Variants in DGKB observed in about 807,000 individuals in gnomAD.
The protein encoded by DGKB is 90 kDa diacylglycerol kinase.
Under a neutral mutation model 114.3 loss-of-function variants are expected in DGKB, and 67 were observed. The ratio of observed to expected loss-of-function variants is 0.59; its 90% confidence interval spans 0.48 to 0.72. The LOEUF (loss-of-function observed/expected upper bound fraction) is 0.72. DGKB is among the 30% of genes least tolerant of loss of function. The pLI is 0.00. For synonymous variants in DGKB, 398 were observed against 323.1 expected, an observed-to-expected ratio of 1.23 and a Z score of -2.49; for missense variants, 907 against 975.2, an observed-to-expected ratio of 0.93 and a Z score of 0.93.
Position 14,186,785 on chromosome 7 carries a change from G to A in DGKB, c.2123-8634C>T, listed in dbSNP as rs559174072. ...ACTCAGGAATGGAAAACCAAACGTC[G>A]TATGTTCTCATGGATATGTGGGAGA... On this transcript the variant is annotated intron_variant, in intron 23 of 25. Transcript: ENST00000402815. Among the ~76,000 whole-genome samples the A allele has an allele frequency of 2.1e-3, 315 of 152,210 alleles. 1 individual carries two copies. Among genetic ancestry groups the A allele is most frequent in the African/African-American group, 7.0e-3 (292 of 41,514 alleles).
At chr7:14,455,698 AG>A (rs1385000623) in intron 21 of DGKB, among the ~76,000 whole-genome samples, 1 of 152,048 alleles carries the variant, frequency 6.6e-6, no homozygotes, top group Non-Finnish European at 1.5e-5. Flanking sequence ...GAACATTTAA[AG>A]GTATTTTAAA....
chr7:14,609,598 G>A (rs149106325), intron 16 of DGKB, among the ~76,000 whole-genome samples: 87 of 152,140 alleles, frequency 5.7e-4, no homozygotes, highest in Middle Eastern at 6.8e-3. Flanking sequence ...TCTGCAGAAT[G>A]GGAGAAAATA....
At chr7:14,176,266 A>C in intron 25 of DGKB, 4 of 909,602 alleles carry the variant, frequency 4.4e-6, no homozygotes, top group Non-Finnish European at 5.2e-6. Flanking sequence ...TTTGAAATGC[A>C]ATAAAATATT....
chr7:14,347,034 A>G (rs1318799925), intron 21 of DGKB, among the ~76,000 whole-genome samples: 2 of 151,980 alleles, frequency 1.3e-5, no homozygotes, highest in African/African-American at 2.4e-5. Context: ...GTTAAGTACT[A>G]TAGACACAAA....
intron 1 of DGKB, among the ~76,000 whole-genome samples, chr7:14,869,874 C>T (rs1852204296): frequency 6.6e-6 from 1 of 152,246 alleles, no homozygotes; most frequent in East Asian, 1.9e-4. Context: ...CTCGCTAATG[C>T]TCATGCTATA....
chr7:14,794,626 T>C (rs912629827), intron 2 of DGKB, among the ~76,000 whole-genome samples: 5 of 152,068 alleles, frequency 3.3e-5, no homozygotes, highest in African/African-American at 1.2e-4. Flanking sequence ...AGGACTGAAA[T>C]TGTCAAAAAT....
At chr7:14,645,730 A>C (rs766171176) in intron 13 of DGKB, among the ~76,000 whole-genome samples, 1 of 152,088 alleles carries the variant, frequency 6.6e-6, no homozygotes, top group Non-Finnish European at 1.5e-5. Context: ...CCAAGAATAC[A>C]ATACCCAGCA....
intron 23 of DGKB, among the ~76,000 whole-genome samples, chr7:14,198,166 C>A (rs765045147): frequency 3.9e-5 from 6 of 151,958 alleles, no homozygotes; most frequent in Non-Finnish European, 8.8e-5. Flanking sequence ...GGATCTGCTT[C>A]GCATAAATCA....
intron 21 of DGKB, among the ~76,000 whole-genome samples, chr7:14,464,791 A>G (rs1833587262): frequency 6.6e-6 from 1 of 152,038 alleles, no homozygotes; most frequent in South Asian, 2.1e-4. Context: ...GCAAAGCCCA[A>G]CTCATTTTTA....
At chr7:14,531,031 T>A (rs1266258703) in intron 20 of DGKB, among the ~76,000 whole-genome samples, 1 of 151,556 alleles carries the variant, frequency 6.6e-6, no homozygotes, top group East Asian at 1.9e-4. Flanking sequence ...ACAGACATGT[T>A]ATAATTACTT....
chr7:14,336,237 GC>G (rs1810636490), intron 23 of DGKB, among the ~76,000 whole-genome samples: 1 of 152,032 alleles, frequency 6.6e-6, no homozygotes, highest in South Asian at 2.1e-4. Flanking sequence ...GTATTCTGTT[GC>G]AAAGTATCTC....
chr7:14,458,812 T>A (rs1250646299), intron 21 of DGKB, among the ~76,000 whole-genome samples: 1 of 152,104 alleles, frequency 6.6e-6, no homozygotes, highest in Non-Finnish European at 1.5e-5. Context: ...GCAGGATTTG[T>A]TTTCATACCC....
At chr7:14,412,015 A>G (rs142229933) in intron 21 of DGKB, among the ~76,000 whole-genome samples, 35 of 152,310 alleles carry the variant, frequency 2.3e-4, no homozygotes, top group African/African-American at 8.2e-4. Flanking sequence ...GTGTTTTATT[A>G]TCACAATTTT....
chr7:14,898,994 G>A (rs564943728), intron 1 of DGKB, among the ~76,000 whole-genome samples: 12 of 151,972 alleles, frequency 7.9e-5, no homozygotes, highest in Non-Finnish European at 1.6e-4. Flanking sequence ...AAAGAATTTC[G>A]GCTGTTTAAA....
In DGKB at chr7:14,694,091, A is replaced by G; in HGVS notation, c.695T>C (p.Leu232Pro). The G allele has an allele frequency of 6.3e-7, 1 of 1,589,940 alleles. No homozygotes were observed. Among genetic ancestry groups the G allele is most frequent in the South Asian group, 1.1e-5 (1 of 87,148 alleles). ...AATGCTTACATTTTCTAAGCCCAGG[A>G]GCACAAGAAGTGGAATCGTTGTCAT... ...GGMTTIPLLV[L>P]LGLENNVKDD... The change falls in exon 9 of 26, where the codon CTC (leucine) becomes CCC (proline). Residue 232 changes from leucine (L) to proline (P), a missense_variant. Around this residue, in one of 3 missense-constraint regions of DGKB, gnomAD observed 814 missense variants for 856.6 expected, o/e 0.95. Transcript: ENST00000402815.
chr7:14,907,205 A>G (rs1470920658), upstream of DGKB, among the ~76,000 whole-genome samples: 1 of 152,188 alleles, frequency 6.6e-6, no homozygotes, highest in Non-Finnish European at 1.5e-5. Context: ...GGGATTTGAT[A>G]GGCCTTCAGA....
intron 1 of DGKB, among the ~76,000 whole-genome samples, chr7:14,921,731 G>T (rs1025383842): frequency 1.1e-4 from 16 of 152,112 alleles, no homozygotes; most frequent in African/African-American, 3.9e-4. Context: ...TGTGTTTTGT[G>T]GGCCCAAGAG....
intron 13 of DGKB, among the ~76,000 whole-genome samples, chr7:14,657,310 T>C (rs1160639521): frequency 6.6e-6 from 1 of 151,864 alleles, no homozygotes; most frequent in Non-Finnish European, 1.5e-5. Flanking sequence ...CAGCTATCCT[T>C]TATGAATAAT....
chr7:14,477,281 T>G (rs10232484), intron 21 of DGKB, among the ~76,000 whole-genome samples: 2,742 of 152,296 alleles, frequency 0.018, 71 homozygotes, highest in African/African-American at 0.059. Flanking sequence ...AATGTCCAGG[T>G]GCAGGTATCT....
Sources: allele counts gnomAD v4.1 joint callset (sites outside exome capture counted in the v4.1 genomes callset), GRCh38; gene constraint gnomAD v4.1.1; regional missense constraint gnomAD v4.1.1; transcripts MANE v1.5; gene names NCBI Gene and HGNC (gene_info 2026-07-23, HGNC 2026-07-21).